EED: variants seen among roughly 807,000 people sequenced by gnomAD.
The protein encoded by EED is polycomb protein EED.
A neutral mutation model predicts 61.0 loss-of-function variants in EED; 9 were observed. That is an observed-to-expected ratio of 0.15 (90% CI 0.09 to 0.26). The LOEUF is 0.26. Ranked by LOEUF, EED falls within the 10% of genes least tolerant of loss-of-function variation. The pLI, the probability that EED is intolerant of heterozygous loss-of-function variation, is 1.00. For missense variants in EED, 315 were observed against 542.3 expected, an observed-to-expected ratio of 0.58 and a Z score of 4.16; for synonymous variants, 187 against 174.4, an observed-to-expected ratio of 1.07 and a Z score of -0.57.
At chr11:86,271,931 C>G (rs1270668765) in intron 9 of EED, among the ~76,000 whole-genome samples, 2 of 133,864 alleles carry the variant, frequency 1.5e-5, no homozygotes, top group Non-Finnish European at 3.3e-5. Flanking sequence ...AGGTATGATA[C>G]TGGTCTTAAC....
intron 6 of EED, among the ~76,000 whole-genome samples, chr11:86,260,398 T>TA (rs796130704): frequency 1.4e-5 from 1 of 73,394 alleles, no homozygotes; most frequent in Non-Finnish European, 3.8e-5. Flanking sequence ...GGCTAATTTT[T>TA]AAAAATTTTT....
chr11:86,251,287 C>T (rs1339532591), intron 2 of EED, among the ~76,000 whole-genome samples: 1 of 152,114 alleles, frequency 6.6e-6, no homozygotes, highest in Non-Finnish European at 1.5e-5. Flanking sequence ...TTAATCTCAG[C>T]ATATTTTTTA....
the EED span, among the ~76,000 whole-genome samples, chr11:86,284,868 T>G: frequency 6.6e-6 from 1 of 152,136 alleles, no homozygotes; most frequent in East Asian, 1.9e-4. Context: ...TCCCAGCACT[T>G]TGGGAGGCTG....
chr11:86,260,817 T>C lies in EED; in HGVS notation c.634+3221T>C, dbSNP rs1443548523. Among the ~76,000 whole-genome samples, 4 of 152,318 alleles carry C rather than the reference T, an allele frequency of 2.6e-5. 1 individual carries two copies. Among genetic ancestry groups the C allele is most frequent in the Middle Eastern group, 6.8e-3 (2 of 294 alleles). On this transcript the variant is annotated intron_variant, in intron 6 of 11. Coordinates refer to ENST00000263360, the MANE Select transcript of EED (RefSeq NM_003797.5). ...AGAAAGTTATTTGAGATAAATATGC[T>C]TAAAATATTTTTCAGACCACATGAA...
intron 6 of EED, among the ~76,000 whole-genome samples, chr11:86,258,839 A>G (rs1945753866): frequency 1.3e-5 from 2 of 151,682 alleles, no homozygotes; most frequent in Non-Finnish European, 2.9e-5. Flanking sequence ...TACAGGTGTG[A>G]GCCACTGCGT....
At chr11:86,283,426 A>G (rs1946345663), downstream of EED, among the ~76,000 whole-genome samples, 1 of 152,132 alleles carries the variant, frequency 6.6e-6, no homozygotes, top group Admixed American at 6.5e-5. Context: ...ATCACCTACT[A>G]TACTGCGTAA....
chr11:86,258,757 C>T (rs915625281), intron 6 of EED, among the ~76,000 whole-genome samples: 1 of 151,564 alleles, frequency 6.6e-6, no homozygotes, highest in African/African-American at 2.4e-5. Context: ...GGTTTCTCCA[C>T]ATGGGTCAGG....
At chr11:86,273,035 T>G (rs1164620168) in intron 9 of EED, among the ~76,000 whole-genome samples, 2 of 152,232 alleles carry the variant, frequency 1.3e-5, no homozygotes, top group African/African-American at 2.4e-5. Flanking sequence ...ATATTTTTTT[T>G]TCTCCAGAAA....
In EED at chr11:86,244,955, A is replaced by T. The variant is rs1332677250; in HGVS notation, c.-275A>T. On this transcript the variant is annotated 5_prime_UTR_variant, in exon 1 of 12. Coordinates refer to ENST00000263360, the MANE Select transcript of EED (RefSeq NM_003797.5). Reference sequence around the variant, plus strand: ...ACCTTACATCGTGTAGACTGCCGGGAGGGCGGCGGGAAAAGGGCAAGACGG... The same window carrying T: ...ACCTTACATCGTGTAGACTGCCGGGTGGGCGGCGGGAAAAGGGCAAGACGG... The T allele has an allele frequency of 7.0e-5, 26 of 369,810 alleles. No individual in the cohort carries two copies. The highest frequency in any genetic ancestry group is 2.1e-4 in the South Asian group (5 of 23,600). The allele number at this position is 369,810 out of a possible 1,614,324, so 22.9% of individuals were successfully genotyped here.
chr11:86,248,319 A>C (rs1379893474), intron 1 of EED, among the ~76,000 whole-genome samples: 2 of 152,206 alleles, frequency 1.3e-5, no homozygotes, highest in Non-Finnish European at 2.9e-5. Flanking sequence ...GGGTAAATTA[A>C]GTGATCAGAA....
At chr11:86,272,546 A>G (rs1946142587) in intron 9 of EED, among the ~76,000 whole-genome samples, 1 of 152,192 alleles carries the variant, frequency 6.6e-6, no homozygotes, top group African/African-American at 2.4e-5. Flanking sequence ...ATTCTTCTAT[A>G]TCCTTGTTCG....
chr11:86,265,285 G>A (rs913930366), intron 7 of EED: 3 of 152,166 alleles, frequency 2.0e-5, no homozygotes, highest in Non-Finnish European at 4.4e-5. Flanking sequence ...ATAGTATCTA[G>A]GTTAGTAAGG....
chr11:86,253,678 C>G (rs913331585), intron 3 of EED, among the ~76,000 whole-genome samples: 1 of 152,072 alleles, frequency 6.6e-6, no homozygotes, highest in Non-Finnish European at 1.5e-5. Context: ...TGTGATGATA[C>G]ACAGGATCTT....
rs1200659099 is a variant in EED at position 86,268,634 on chromosome 11, T to TGTGTGTGC, written c.966+74_966+75insTGTGTGCG. Reference sequence around the variant, plus strand: ...GTGTGTGTGTGTGTGTGTATGTGTGTGCGCATGTTGGAACTTGGCAGGGAG... The same window carrying TGTGTGTGC: ...GTGTGTGTGTGTGTGTGTATGTGTGTGTGTGTGCGCGCATGTTGGAACTTGGCAGGGAG... On this transcript the variant is annotated intron_variant, in intron 9 of 11. Coordinates refer to ENST00000263360, the MANE Select transcript of EED (RefSeq NM_003797.5). 2.9e-6 allele frequency: 3 copies of TGTGTGTGC among 1,028,788 alleles called. No individual in the cohort carries two copies. The African/African-American group carries it at 5.1e-5, about 17-fold the overall frequency. 63.7% of individuals were successfully genotyped at this position (1,028,788 alleles called of 1,614,324 possible). A position where few individuals can be genotyped will look rare whatever the true frequency, so the allele number is the denominator to read the frequency against.
At chr11:86,272,556 G>T (rs7127311) in intron 9 of EED, among the ~76,000 whole-genome samples, 4,816 of 152,102 alleles carry the variant, frequency 0.032, 249 homozygotes, top group African/African-American at 0.11. Context: ...ATCCTTGTTC[G>T]GTGTCTACTG....
chr11:86,278,076 C>T, intron 11 of EED, 85 bp downstream of exon 11: 1 of 1,389,952 alleles, frequency 7.2e-7, no homozygotes, highest in Non-Finnish European at 9.4e-7. Context: ...TTTATATTTG[C>T]AGTGCCATCC....
At chr11:86,252,529 T>TA (rs934782510) in intron 3 of EED, among the ~76,000 whole-genome samples, 1 of 151,706 alleles carries the variant, frequency 6.6e-6, no homozygotes, top group African/African-American at 2.4e-5. Context: ...TTTTTTTTTT[T>TA]AATTGGCGTT....
the EED span, among the ~76,000 whole-genome samples, chr11:86,287,065 A>C: frequency 0.052 from 7,815 of 151,694 alleles, 283 homozygotes; most frequent in East Asian, 0.14. Context: ...ATACTTACTA[A>C]TATGATGCAT....
intron 6 of EED, 181 bp from the exon 7 acceptor site, chr11:86,263,991 A>G (rs1003876957): frequency 2.8e-5 from 16 of 574,284 alleles, no homozygotes; most frequent in Middle Eastern, 4.6e-4. Flanking sequence ...AAACTATAGC[A>G]CTTACCTAGC....
Sources: gnomAD v4.1 joint callset for allele counts (sites outside exome capture counted in the v4.1 genomes callset) on GRCh38, gnomAD v4.1.1 for gene constraint, MANE v1.5 for transcripts, NCBI Gene and HGNC (gene_info 2026-07-23, HGNC 2026-07-21) for gene names.